The following TAF4 variants were observed in gnomAD, a reference collection of about 807,000 sequenced individuals.
TAF4 encodes TATA-box binding protein associated factor 4, also known as transcription initiation factor TFIID subunit 4.
TAF4 carries 9 observed loss-of-function variants against 90.3 expected under a neutral mutation model. That is an observed-to-expected ratio of 0.10 (90% CI 0.06 to 0.17). The LOEUF (loss-of-function observed/expected upper bound fraction) is 0.17. Ranked by LOEUF, TAF4 falls within the 10% of genes least tolerant of loss-of-function variation. The pLI is 1.00. For missense variants in TAF4, 1,351 were observed against 1,370.7 expected, an observed-to-expected ratio of 0.99 and a Z score of 0.23; for synonymous variants, 818 against 638.9, an observed-to-expected ratio of 1.28 and a Z score of -4.23.
intron 4 of TAF4, among the ~76,000 whole-genome samples, chr20:62,009,410 G>C (rs1400832758): frequency 6.6e-6 from 1 of 152,228 alleles, no homozygotes; most frequent in East Asian, 1.9e-4. Context: ...ATCTAGGAAT[G>C]CAGCTATGCA....
chr20:61,996,391 T>G (rs534132578), intron 14 of TAF4, among the ~76,000 whole-genome samples: 2 of 151,868 alleles, frequency 1.3e-5, no homozygotes, highest in African/African-American at 4.8e-5. Flanking sequence ...TCTAAAAAAA[T>G]TAAAAATTAA....
intron 1 of TAF4, among the ~76,000 whole-genome samples, chr20:62,052,317 A>G (rs930198115): frequency 6.6e-6 from 1 of 150,576 alleles, no homozygotes; most frequent in African/African-American, 2.4e-5. Context: ...GCTATTGAGC[A>G]TGGCTCCAAG....
At chr20:62,045,236 C>T (rs1043296220) in intron 1 of TAF4, among the ~76,000 whole-genome samples, 1 of 152,202 alleles carries the variant, frequency 6.6e-6, no homozygotes, top group Non-Finnish European at 1.5e-5. Context: ...GACAACCGTC[C>T]CGCACCTCCT....
At chr20:62,041,677 G>C (rs1301681776) in intron 1 of TAF4, among the ~76,000 whole-genome samples, 1 of 151,714 alleles carries the variant, frequency 6.6e-6, no homozygotes, top group Non-Finnish European at 1.5e-5. Flanking sequence ...AGGTGCAGTA[G>C]CTCACCACTT....
intron 1 of TAF4, among the ~76,000 whole-genome samples, chr20:62,061,640 T>C (rs868354792): frequency 2.6e-5 from 4 of 152,254 alleles, no homozygotes; most frequent in Admixed American, 2.0e-4. Context: ...CACCTTTTTC[T>C]TCTTTCAGCT....
In TAF4 at chr20:62,023,747, CAAAAAAAAA is replaced by C. The variant is rs59813943; in HGVS notation, c.1361-9049_1361-9041del. 1.3e-4 allele frequency among the ~76,000 whole-genome samples: 8 copies of C among 59,578 alleles called. 1 individual carries two copies. In the South Asian group the frequency reaches 5.0e-3, roughly 37 times the overall value. 39.1% of individuals were successfully genotyped at this position (59,578 alleles called of 152,430 possible). Reference sequence around the variant, plus strand: ...TGGGCAACAGAGCAAGACTCCATCTCAAAAAAAAAAAAAAAAAAAAAAAGAAAGAAAGAA... The same window carrying C: ...TGGGCAACAGAGCAAGACTCCATCTCAAAAAAAAAAAAAAGAAAGAAAGAA... On this transcript the variant is annotated intron_variant, in intron 1 of 14. Coordinates refer to ENST00000252996, the MANE Select transcript of TAF4 (RefSeq NM_003185.4).
Position 62,000,265 on chromosome 20 carries a change from G to A in TAF4, c.2657-11C>T, listed in dbSNP as rs1240962273. On this transcript the variant is annotated splice_polypyrimidine_tract_variant and intron_variant, in intron 10 of 14. Coordinates refer to ENST00000252996, the MANE Select transcript of TAF4 (RefSeq NM_003185.4). ...TACCATGTTTTTTACCTAAAGGTCA[G>A]GCAAGAAAAACAGTATTTTAAAATC... The A allele has an allele frequency of 1.9e-6, 3 of 1,611,220 alleles. No homozygotes were observed. The highest frequency in any genetic ancestry group is 2.5e-6 in the Non-Finnish European group (3 of 1,178,698).
intron 14 of TAF4, among the ~76,000 whole-genome samples, chr20:61,983,110 A>G (rs987838770): frequency 5.3e-5 from 8 of 152,176 alleles, no homozygotes; most frequent in African/African-American, 1.9e-4. Context: ...TCCTGTCACC[A>G]AAAGGCAGAG....
At chr20:61,980,639 T>G (rs1301195089) in intron 14 of TAF4, 1 of 152,228 alleles carries the variant, frequency 6.6e-6, no homozygotes, top group Non-Finnish European at 1.5e-5. Context: ...TAGCATCACT[T>G]CCGGGAGGCC....
At position 62,014,046 on chromosome 20, in the gene TAF4, A is replaced by ATG. The variant is rs994940148; in HGVS notation, c.1521+499_1521+500dup. The stretch of plus-strand genomic sequence containing the variant: ...TGTGTGTGTGTGTGTGTGTGTGTGT[A>ATG]TGTGTGTGTGTGTGTGTGTCCCTCT... On this transcript the variant is annotated intron_variant, in intron 2 of 14. Transcript: ENST00000252996. Among the ~76,000 whole-genome samples the ATG allele has an allele frequency of 1.6e-3, 122 of 74,126 alleles. 2 individuals carry two copies. The highest frequency in any genetic ancestry group is 5.5e-3 in the South Asian group (11 of 2,012). The allele number at this position is 74,126 out of a possible 152,430, so 48.6% of individuals were successfully genotyped here.
intron 14 of TAF4, chr20:61,979,037 G>A (rs1048344833): frequency 6.5e-6 from 1 of 153,278 alleles, no homozygotes; most frequent in Admixed American, 6.5e-5. Context: ...CTTTCCCATA[G>A]GGTCTTTGCT....
At chr20:62,032,119 C>A (rs760918056) in intron 1 of TAF4, among the ~76,000 whole-genome samples, 2 of 152,212 alleles carry the variant, frequency 1.3e-5, no homozygotes, top group Admixed American at 1.3e-4. Context: ...TATTTGGATA[C>A]GTTTGATCTG....
chr20:62,015,239 T>C (rs919103572), intron 1 of TAF4, among the ~76,000 whole-genome samples: 7 of 152,244 alleles, frequency 4.6e-5, no homozygotes, highest in African/African-American at 1.4e-4. Flanking sequence ...AGGGCAGTGC[T>C]GCCCCCACAC....
chr20:62,062,150 G>A (rs2056092323), intron 1 of TAF4, among the ~76,000 whole-genome samples: 2 of 152,230 alleles, frequency 1.3e-5, no homozygotes, highest in Non-Finnish European at 2.9e-5. Context: ...GCAAGACTGA[G>A]TTGTAATGAG....
At position 62,064,513 on chromosome 20, in the gene TAF4, G is replaced by A. The variant is rs1158368987; in HGVS notation, c.1298C>T (p.Ala433Val). ...IRATLTPTVL[A>V]PRLPQPPQNP... Reference sequence around the variant, plus strand: ...CTGAGGCGGCTGCGGCAAGCGGGGGGCCAGCACGGTGGGCGTCAGGGTGGC... The same window carrying A: ...CTGAGGCGGCTGCGGCAAGCGGGGGACCAGCACGGTGGGCGTCAGGGTGGC... The change falls in exon 1 of 15, where the codon GCC (alanine) becomes GTC (valine). Residue 433 changes from alanine (A) to valine (V), a missense_variant. Coordinates refer to ENST00000252996, the MANE Select transcript of TAF4 (RefSeq NM_003185.4). The A allele has an allele frequency of 1.5e-5, 23 of 1,528,912 alleles. No individual in the cohort carries two copies. Among genetic ancestry groups the A allele is most frequent in the East Asian group, 5.2e-5 (2 of 38,810 alleles). The allele number at this position is 1,528,912 out of a possible 1,614,324, so 94.7% of individuals were successfully genotyped here. A position where few individuals can be genotyped will look rare whatever the true frequency, so the allele number is the denominator to read the frequency against.
chr20:62,055,491 A>G (rs563251879), intron 1 of TAF4, among the ~76,000 whole-genome samples: 1 of 152,190 alleles, frequency 6.6e-6, no homozygotes, highest in Admixed American at 6.5e-5. Flanking sequence ...CCTGCAATAA[A>G]ATCAATTCAC....
chr20:62,013,214 C>T (rs1313848711), intron 2 of TAF4, among the ~76,000 whole-genome samples: 1 of 152,190 alleles, frequency 6.6e-6, no homozygotes, highest in Non-Finnish European at 1.5e-5. Flanking sequence ...GAAATCAATC[C>T]TCGTGCTGCT....
intron 14 of TAF4, among the ~76,000 whole-genome samples, chr20:61,986,343 CACCATCCCCAAT>C: frequency 9.8e-6 from 1 of 102,540 alleles, no homozygotes. Flanking sequence ...TCAAAGGAAA[CACCATCCCCAAT>C]CAAAGGAAAC....
Position 62,065,404 on chromosome 20 carries a change from G to A in TAF4, c.407C>T (p.Ser136Phe). The A allele has an allele frequency of 1.0e-6, 1 of 972,354 alleles. No individual in the cohort carries two copies. The highest frequency in any genetic ancestry group is 1.2e-6 in the Non-Finnish European group (1 of 822,748). 60.2% of individuals were successfully genotyped at this position (972,354 alleles called of 1,614,324 possible). The change falls in exon 1 of 15, where the codon TCC (serine) becomes TTC (phenylalanine). Residue 136 changes from serine to phenylalanine, a missense_variant. Transcript: ENST00000252996. ...LRPPPEGSAG[S>F]CAPVPAAAAV... Reference sequence around the variant, plus strand: ...GGCGGCGGCGGGCACCGGGGCGCAGGACCCCGCGCTGCCCTCGGGCGGCGG... The same window carrying A: ...GGCGGCGGCGGGCACCGGGGCGCAGAACCCCGCGCTGCCCTCGGGCGGCGG...
Sources: gnomAD v4.1 joint callset for allele counts (sites outside exome capture counted in the v4.1 genomes callset) on GRCh38, gnomAD v4.1.1 for gene constraint, MANE v1.5 for transcripts, NCBI Gene and HGNC (gene_info 2026-07-23, HGNC 2026-07-21) for gene names.